The following ANXA10 variants were observed in gnomAD, a reference collection of about 807,000 sequenced individuals.
ANXA10 encodes annexin A10.
Under a neutral mutation model 53.5 loss-of-function variants are expected in ANXA10, and 49 were observed. The observed-to-expected ratio is 0.92, with a 90% CI of 0.73 to 1.16. The LOEUF (loss-of-function observed/expected upper bound fraction) is 1.16, where lower values mean the gene tolerates loss of function less well. ANXA10 is among the 50% of genes most tolerant of loss of function. The pLI is 0.00. For missense variants in ANXA10, 393 were observed against 394.4 expected (o/e 1.00, Z 0.03); for synonymous variants, 131 against 128.9 (o/e 1.02, Z -0.11).
At chr4:168,104,839 CTTGTCT>C (rs137930547) in intron 1 of ANXA10, among the ~76,000 whole-genome samples, 8,120 of 151,612 alleles carry the variant, frequency 0.054, 225 homozygotes, top group Middle Eastern at 0.1. Flanking sequence ...TGATTTTACT[CTTGTCT>C]TTATTACCTC....
Position 168,118,626 on chromosome 4 carries a change from G to A in ANXA10, c.19-9458G>A, listed in dbSNP as rs552703316. Among the ~76,000 whole-genome samples the A allele has an allele frequency of 5.5e-4, 84 of 152,094 alleles. No individual in the cohort carries two copies. In the Middle Eastern group the frequency reaches 0.01, roughly 18 times the overall value. ...TCTGGCTGGTATTTTGCTCAAAAAG[G>A]GTGTACTCTCCTTAGAAAATATACT... is the stretch of plus-strand genomic sequence containing the variant. On this transcript the variant is annotated intron_variant, in intron 1 of 11. Coordinates refer to ENST00000359299, the MANE Select transcript of ANXA10 (RefSeq NM_007193.5).
chr4:168,117,997 A>G (rs897782981), intron 1 of ANXA10, among the ~76,000 whole-genome samples: 2 of 131,002 alleles, frequency 1.5e-5, no homozygotes, highest in Non-Finnish European at 3.5e-5. Context: ...GCGCACATCA[A>G]TGGAATGTGG....
At chr4:168,156,150 A>T (rs1241802383) in intron 3 of ANXA10, among the ~76,000 whole-genome samples, 255 of 18,418 alleles carry the variant, frequency 0.014, 2 homozygotes, top group African/African-American at 0.062. Flanking sequence ...TAAAAATAAT[A>T]TATATTATAT....
intron 9 of ANXA10, among the ~76,000 whole-genome samples, chr4:168,179,633 T>G (rs568895681): frequency 6.6e-6 from 1 of 152,348 alleles, no homozygotes; most frequent in African/African-American, 2.4e-5. Context: ...ATTTTATCTT[T>G]ACTGACTTCC....
intron 3 of ANXA10, among the ~76,000 whole-genome samples, chr4:168,153,422 C>CAA (rs61179704): frequency 1.6e-3 from 68 of 43,466 alleles, no homozygotes; most frequent in Non-Finnish European, 2.0e-3. Flanking sequence ...AAGCCTAAAG[C>CAA]AAAAAAAAAA....
chr4:168,151,357 T>C (rs951972600), intron 3 of ANXA10, among the ~76,000 whole-genome samples: 1 of 152,164 alleles, frequency 6.6e-6, no homozygotes, highest in African/African-American at 2.4e-5. Context: ...TGTTTATCCA[T>C]AATAAGATAA....
chr4:168,113,382 A>C (rs1730842231), intron 1 of ANXA10: 3 of 127,560 alleles, frequency 2.4e-5, no homozygotes, highest in South Asian at 6.0e-4. Context: ...CTTTCATCTC[A>C]CTTGGTCTGG....
intron 3 of ANXA10, among the ~76,000 whole-genome samples, chr4:168,140,161 A>G (rs950788357): frequency 6.6e-6 from 1 of 152,366 alleles, no homozygotes; most frequent in East Asian, 1.9e-4. Flanking sequence ...TTTCAAAGCA[A>G]GTACCATTAA....
chr4:168,133,534 G>GT (rs1731187696), intron 2 of ANXA10, among the ~76,000 whole-genome samples: 2 of 152,080 alleles, frequency 1.3e-5, no homozygotes, highest in Admixed American at 1.3e-4. Context: ...GAAAAATTCT[G>GT]TAGATCAGGA....
intron 3 of ANXA10, among the ~76,000 whole-genome samples, chr4:168,158,891 T>C (rs1351611372): frequency 6.6e-6 from 1 of 152,052 alleles, no homozygotes; most frequent in Non-Finnish European, 1.5e-5. Context: ...TGGGAGCGGA[T>C]TCCTCATGAA....
chr4:168,179,918 AC>A (rs1392451698), intron 9 of ANXA10, among the ~76,000 whole-genome samples: 2 of 152,184 alleles, frequency 1.3e-5, no homozygotes, highest in Non-Finnish European at 2.9e-5. Flanking sequence ...CAATAGAACT[AC>A]CTTTGTCTTG....
intron 1 of ANXA10, among the ~76,000 whole-genome samples, chr4:168,110,137 G>C (rs1378818404): frequency 6.6e-6 from 1 of 152,196 alleles, no homozygotes; most frequent in Middle Eastern, 3.2e-3. Flanking sequence ...CATGAACCCG[G>C]AAGTTGGAGC....
chr4:168,097,418 T>C (rs779531246), intron 1 of ANXA10, among the ~76,000 whole-genome samples: 4 of 152,022 alleles, frequency 2.6e-5, no homozygotes, highest in African/African-American at 4.8e-5. Flanking sequence ...TTCCTCCTTA[T>C]AGCCTCTCCT....
intron 1 of ANXA10, chr4:168,113,455 C>T (rs1054844516): frequency 2.0e-5 from 3 of 152,118 alleles, no homozygotes; most frequent in Non-Finnish European, 4.4e-5. Context: ...CTGCTTTCAT[C>T]TCACTTGGTC....
chr4:168,099,077 A>C (rs1038446641), intron 1 of ANXA10, among the ~76,000 whole-genome samples: 7 of 152,114 alleles, frequency 4.6e-5, no homozygotes, highest in Non-Finnish European at 8.8e-5. Flanking sequence ...TTTTTCAGTT[A>C]TGTAAAAAGA....
At chr4:168,120,345 A>G (rs1209323434) in intron 1 of ANXA10, among the ~76,000 whole-genome samples, 1 of 152,136 alleles carries the variant, frequency 6.6e-6, no homozygotes, top group African/African-American at 2.4e-5. Context: ...GTTGCAATCT[A>G]GTCAAGTGTA....
chr4:168,187,377 A>G lies in ANXA10; in HGVS notation c.918A>G (p.Ser306=). 1 of 1,592,732 alleles carries G rather than the reference A, an allele frequency of 6.3e-7. No homozygotes were observed. Among genetic ancestry groups the G allele is most frequent in the Non-Finnish European group, 8.6e-7 (1 of 1,168,718 alleles). Reference sequence around the variant, plus strand: ...ATTTTTCTTTTCAGAATTTTGCTTCAGGGCATTATAAGAAAGCACTGCTTG... The same window carrying G: ...ATTTTTCTTTTCAGAATTTTGCTTCGGGGCATTATAAGAAAGCACTGCTTG... ...SLFHDIRNFA[S]GHYKKALLAI... is the part of the protein sequence containing the mutation. The change falls in exon 12 of 12, where the codon TCA becomes TCG. Residue 306 remains serine, a synonymous_variant. Coordinates refer to ENST00000359299, the MANE Select transcript of ANXA10 (RefSeq NM_007193.5).
intron 6 of ANXA10, among the ~76,000 whole-genome samples, chr4:168,174,330 C>A (rs2149479864): frequency 6.6e-6 from 1 of 152,346 alleles, no homozygotes; most frequent in East Asian, 1.9e-4. Flanking sequence ...TTTTCAGGCA[C>A]CACCATGTCC....
At chr4:168,127,745 G>A (rs1354586848) in intron 1 of ANXA10, 1 of 489,686 alleles carries the variant, frequency 2.0e-6, no homozygotes, top group East Asian at 5.2e-5. Context: ...GGCCTTGTGT[G>A]TATGTTTTGT....
Sources: allele counts gnomAD v4.1 joint callset (sites outside exome capture counted in the v4.1 genomes callset), GRCh38; gene constraint gnomAD v4.1.1; transcripts MANE v1.5; gene names NCBI Gene and HGNC (gene_info 2026-07-23, HGNC 2026-07-21).